The following CFAP77 variants were observed in gnomAD, a reference collection of about 807,000 sequenced individuals.
The protein encoded by CFAP77 is cilia- and flagella-associated protein 77.
A neutral mutation model predicts 31.1 loss-of-function variants in CFAP77; 25 were observed. That is an observed-to-expected ratio of 0.80 (90% CI 0.59 to 1.12). CFAP77 has a LOEUF of 1.12. CFAP77 is among the 50% of genes most tolerant of loss of function. The probability of loss-of-function intolerance (pLI) is 0.00; values close to 1 mark genes in which losing one functional copy is unlikely to be tolerated. For synonymous variants in CFAP77, 151 were observed against 159.9 expected, an observed-to-expected ratio of 0.94 and a Z score of 0.42; for missense variants, 377 against 397.3, an observed-to-expected ratio of 0.95 and a Z score of 0.44.
intron 1 of CFAP77, among the ~76,000 whole-genome samples, chr9:132,465,417 AC>A (rs1337319651): frequency 6.6e-6 from 1 of 152,180 alleles, no homozygotes; most frequent in Non-Finnish European, 1.5e-5. Flanking sequence ...CAGTAAATCT[AC>A]CCTGTGGAGT....
intron 3 of CFAP77, among the ~76,000 whole-genome samples, chr9:132,525,861 C>A (rs1372334200): frequency 6.6e-6 from 1 of 152,124 alleles, no homozygotes; most frequent in Non-Finnish European, 1.5e-5. Context: ...TGCATAAGGC[C>A]TAGAGTTCAT....
At chr9:132,461,700 C>T (rs1019418723) in intron 1 of CFAP77, among the ~76,000 whole-genome samples, 8 of 152,200 alleles carry the variant, frequency 5.3e-5, no homozygotes, top group South Asian at 4.1e-4. Flanking sequence ...TCCCCTGGGC[C>T]CTTCCCAGGC....
chr9:132,522,343 G>C (rs1852284016), intron 3 of CFAP77, among the ~76,000 whole-genome samples: 1 of 151,386 alleles, frequency 6.6e-6, no homozygotes. Context: ...TGCTACTGGA[G>C]TGTGCTGTGT....
At chr9:132,532,158 G>C (rs567233379) in intron 3 of CFAP77, among the ~76,000 whole-genome samples, 53 of 152,364 alleles carry the variant, frequency 3.5e-4, no homozygotes, top group African/African-American at 1.2e-3. Context: ...GCTGTGTGAA[G>C]GACCTCTGCG....
At chr9:132,529,507 T>TAAAAAAAAAAAAAAAA (rs750691279) in intron 3 of CFAP77, among the ~76,000 whole-genome samples, 23 of 108,820 alleles carry the variant, frequency 2.1e-4, no homozygotes, top group African/African-American at 7.3e-4. Flanking sequence ...TAGAGTATAA[T>TAAAAAAAAAAAAAAAA]AAAAAAAAAA....
chr9:132,432,127 C>T (rs1026439559), intron 1 of CFAP77, among the ~76,000 whole-genome samples: 1 of 152,172 alleles, frequency 6.6e-6, no homozygotes, highest in Non-Finnish European at 1.5e-5. Context: ...AGATGTCTCG[C>T]TGGAAACACG....
intron 5 of CFAP77, among the ~76,000 whole-genome samples, chr9:132,544,395 G>A (rs936807095): frequency 1.3e-5 from 2 of 151,756 alleles, no homozygotes; most frequent in Admixed American, 1.3e-4. Context: ...TTCCAGCCAT[G>A]TTGCTTCCTC....
chr9:132,472,767 T>C (rs1851281261), intron 1 of CFAP77, among the ~76,000 whole-genome samples: 2 of 152,254 alleles, frequency 1.3e-5, no homozygotes, highest in South Asian at 4.1e-4. Context: ...CACTCTAGCC[T>C]GTCTCTAAAA....
At chr9:132,416,259 A>G (rs911516236) in intron 1 of CFAP77, among the ~76,000 whole-genome samples, 3 of 150,412 alleles carry the variant, frequency 2.0e-5, no homozygotes, top group Non-Finnish European at 4.4e-5. Context: ...ACACTCATCC[A>G]GTGTCTGGTT....
rs1852716204 is a variant in CFAP77 at position 132,545,466 on chromosome 9, A to C, written c.732+2419A>C. 6.6e-6 allele frequency among the ~76,000 whole-genome samples: 1 copy of C among 152,188 alleles called. No homozygotes were observed. The highest frequency in any genetic ancestry group is 2.4e-5 in the African/African-American group (1 of 41,454). The stretch of plus-strand genomic sequence containing the variant: ...GAGAAAGAAAATCAACATGCAAGCC[A>C]CAGCATATACTGAGTGTTCGCCTCC... On this transcript the variant is annotated intron_variant, in intron 5 of 5. Transcript: ENST00000393216. The surrounding 1 kb of genome is among the most constrained non-coding windows in gnomAD (Gnocchi z 4.6).
At chr9:132,414,193 C>A (rs1297665103) in intron 1 of CFAP77, among the ~76,000 whole-genome samples, 1 of 152,226 alleles carries the variant, frequency 6.6e-6, no homozygotes, top group East Asian at 1.9e-4. Flanking sequence ...ATCCCAATAT[C>A]ATTTCATTCA....
intron 3 of CFAP77, among the ~76,000 whole-genome samples, chr9:132,536,929 T>C (rs1284893723): frequency 1.3e-5 from 2 of 152,068 alleles, no homozygotes; most frequent in Non-Finnish European, 1.5e-5. Flanking sequence ...GGGTGGAGCA[T>C]ACAAAATGCC....
At chr9:132,414,339 G>A (rs767766056) in intron 1 of CFAP77, among the ~76,000 whole-genome samples, 1 of 152,170 alleles carries the variant, frequency 6.6e-6, no homozygotes, top group Non-Finnish European at 1.5e-5. Context: ...AGAATTCAGC[G>A]TTGCTGAATT....
At chr9:132,523,841 G>A (rs1318071069) in intron 3 of CFAP77, among the ~76,000 whole-genome samples, 1 of 152,142 alleles carries the variant, frequency 6.6e-6, no homozygotes, top group African/African-American at 2.4e-5. Context: ...TGGCTGCTTG[G>A]TGAGAAATGG....
intron 1 of CFAP77, among the ~76,000 whole-genome samples, chr9:132,436,672 C>T (rs924100328): frequency 6.6e-6 from 1 of 152,126 alleles, no homozygotes; most frequent in African/African-American, 2.4e-5. Context: ...TAAGTGATAT[C>T]TAGTGGCCAT....
chr9:132,536,827 T>G (rs1852552363), intron 3 of CFAP77, among the ~76,000 whole-genome samples: 2 of 152,230 alleles, frequency 1.3e-5, no homozygotes, highest in African/African-American at 4.8e-5. Flanking sequence ...TGAGCGGGTC[T>G]GCCTTGCGGT....
chr9:132,532,481 A>C (rs1171159611), intron 3 of CFAP77, among the ~76,000 whole-genome samples: 2 of 152,338 alleles, frequency 1.3e-5, no homozygotes, highest in East Asian at 3.9e-4. Context: ...CAGCATGGGC[A>C]GAACTTACAA....
At position 132,499,568 on chromosome 9, in the gene CFAP77, C is replaced by G. The variant is rs770779046; in HGVS notation, c.492C>G (p.Leu164=). 13 of 1,614,102 alleles carry G rather than the reference C, an allele frequency of 8.1e-6. No homozygotes were observed. Among genetic ancestry groups the G allele is most frequent in the Non-Finnish European group, 1.1e-5 (13 of 1,180,050 alleles). ...GCATGAAGAAAGAGCCGCCCCCTCTCCCTCCAAACATGACATTTGGGATCC... is the reference window on the plus strand; with the variant it reads ...GCATGAAGAAAGAGCCGCCCCCTCTGCCTCCAAACATGACATTTGGGATCC... The part of the protein sequence containing the change: ...DRRMKKEPPP[L]PPNMTFGIRA... Residue 164 remains leucine, a synonymous_variant, in exon 3 of 6, where the codon CTC becomes CTG. Coordinates refer to ENST00000393216, the MANE Select transcript of CFAP77 (RefSeq NM_001282957.2). This position sits in a 1 kb window ranked among gnomAD's most constrained non-coding sequence, Gnocchi z 5.4.
intron 3 of CFAP77, among the ~76,000 whole-genome samples, chr9:132,507,516 G>A (rs1421379164): frequency 6.6e-6 from 1 of 152,204 alleles, no homozygotes; most frequent in Non-Finnish European, 1.5e-5. Flanking sequence ...TCAGCCTGAC[G>A]CTGACAAATG....
Sources: gnomAD v4.1 joint callset for allele counts (sites outside exome capture counted in the v4.1 genomes callset) on GRCh38, gnomAD v4.1.1 for gene constraint, Gnocchi (gnomAD v3.1) non-coding constraint, MANE v1.5 for transcripts, NCBI Gene and HGNC (gene_info 2026-07-23, HGNC 2026-07-21) for gene names.